Variants in CRACDL observed in about 807,000 individuals in gnomAD.
CRACDL encodes the protein CRACD like, also known as CRACD-like protein.
In CRACDL, 26 loss-of-function variants were observed where a neutral mutation model predicts 70.6. The ratio of observed to expected loss-of-function variants is 0.37; its 90% CI spans 0.27 to 0.51. The LOEUF (loss-of-function observed/expected upper bound fraction) is 0.51. Among genes scored for constraint, CRACDL ranks in the 20% least tolerant of loss-of-function variants. The pLI is 0.94. For synonymous variants in CRACDL, 618 were observed against 615.2 expected (o/e 1.00, Z -0.07); for missense variants, 1,283 against 1,376.9 (o/e 0.93, Z 1.08).
At chr2:98,831,390 A>G (rs1370099109) in intron 5 of CRACDL, among the ~76,000 whole-genome samples, 1 of 152,216 alleles carries the variant, frequency 6.6e-6, no homozygotes, top group Non-Finnish European at 1.5e-5. Context: ...TCTGAACACA[A>G]TTCAGAGAAG....
intron 1 of CRACDL, among the ~76,000 whole-genome samples, chr2:98,932,917 C>A (rs1330316251): frequency 1.3e-5 from 2 of 152,170 alleles, no homozygotes; most frequent in African/African-American, 4.8e-5. Context: ...GGGACATGAA[C>A]CCAGGCACTG....
rs988462807 is a variant in CRACDL at position 98,822,075 on chromosome 2, G to A, written c.2198C>T (p.Ala733Val). Residue 733 changes from alanine (A) to valine (V), a missense_variant, in exon 7 of 10, where the codon GCC becomes GTC. Ala to Val is a moderately conservative substitution (Grantham distance 64). Transcript: ENST00000397899. The surrounding 1 kb of genome is among the most constrained non-coding windows in gnomAD (Gnocchi z 4.9). ...PKEEKCPLGTAPALRGTRAPS... is the reference protein window; with the variant it reads ...PKEEKCPLGTVPALRGTRAPS... ...GGCCCTGGTGCCTCGAAGGGCGGGG[G>A]CCGTCCCGAGGGGACACTTCTCCTC... The A allele has an allele frequency of 5.2e-6, 8 of 1,553,138 alleles. No individual in the cohort carries two copies. Among genetic ancestry groups the A allele is most frequent in the Non-Finnish European group, 7.0e-6 (8 of 1,148,376 alleles).
rs187647031 is a variant in CRACDL at position 98,884,678 on chromosome 2, C to A, written c.-10-37868G>T. Among the ~76,000 whole-genome samples, 35 of 152,298 alleles carry A rather than the reference C, an allele frequency of 2.3e-4. 1 individual carries two copies. In the East Asian group the frequency reaches 5.8e-3, roughly 25 times the overall value. Reference sequence around the variant, plus strand: ...GGAGCCCTCACAAATGGGATCTGTGCCCTATAAAAGGGACCCCAGAGTGTT... The same window carrying A: ...GGAGCCCTCACAAATGGGATCTGTGACCTATAAAAGGGACCCCAGAGTGTT... On this transcript the variant is annotated intron_variant, in intron 1 of 9. Coordinates refer to ENST00000397899, the MANE Select transcript of CRACDL (RefSeq NM_207362.3).
At chr2:98,819,343 A>G (rs2104455873) in intron 7 of CRACDL, among the ~76,000 whole-genome samples, 1 of 152,236 alleles carries the variant, frequency 6.6e-6, no homozygotes, top group East Asian at 1.9e-4. Context: ...TTTCAATTCT[A>G]GGCCATGAAG....
chr2:98,821,760 T>C (rs1705038731), intron 7 of CRACDL, 97 bp downstream of exon 7: 6 of 1,434,812 alleles, frequency 4.2e-6, no homozygotes, highest in Non-Finnish European at 4.7e-6. Context: ...GCAACAAAGT[T>C]TGTACCAGGA....
At chr2:98,858,232 A>G (rs911711360) in intron 1 of CRACDL, among the ~76,000 whole-genome samples, 2 of 152,192 alleles carry the variant, frequency 1.3e-5, no homozygotes, top group African/African-American at 4.8e-5. Context: ...GGCTGGGTGC[A>G]GTGGTGCCTG....
rs1705873873 is a variant in CRACDL, at chr2:98,838,149, G to A, written c.209C>T (p.Pro70Leu). 1 of 1,613,376 alleles carries A rather than the reference G, an allele frequency of 6.2e-7. No homozygotes were observed. The highest frequency in any genetic ancestry group is 2.2e-5 in the East Asian group (1 of 44,854). ...CTCATCCTCGGAGTCGTAGCCCACTGGCCCGGATTCGATGGCAATGACCTC... is the reference window on the plus strand; with the variant it reads ...CTCATCCTCGGAGTCGTAGCCCACTAGCCCGGATTCGATGGCAATGACCTC... ...RNEVIAIESG[P>L]VGYDSEDELE... Residue 70 changes from proline (P) to leucine (L), a missense_variant, in exon 3 of 10, where the codon CCA (proline) becomes CTA (leucine). Physicochemically the swap from Pro to Leu is moderately conservative, Grantham distance 98. Around this residue, in one of 2 missense-constraint regions of CRACDL, gnomAD observed 362 missense variants for 495.0 expected, o/e 0.73. Coordinates refer to ENST00000397899, the MANE Select transcript of CRACDL (RefSeq NM_207362.3).
chr2:98,853,085 C>G lies in CRACDL; in HGVS notation c.-10-6275G>C, dbSNP rs561271728. ...GCATTAAAAATATTTGGAGAACTTA[C>G]GAATAAACATTTCTCCAAAATGGTG... On this transcript the variant is annotated intron_variant, in intron 1 of 9. Coordinates refer to ENST00000397899, the MANE Select transcript of CRACDL (RefSeq NM_207362.3). Among the ~76,000 whole-genome samples, 141 of 151,708 alleles carry G rather than the reference C, an allele frequency of 9.3e-4. 1 individual carries two copies. The highest frequency in any genetic ancestry group is 1.6e-3 in the Non-Finnish European group (112 of 67,924).
At chr2:98,802,777 C>A (rs911361842) in intron 7 of CRACDL, among the ~76,000 whole-genome samples, 2 of 152,216 alleles carry the variant, frequency 1.3e-5, no homozygotes, top group Non-Finnish European at 1.5e-5. Context: ...AAGCTGAGGG[C>A]TGTCAAGCAC....
chr2:98,829,362 G>C lies in CRACDL; in HGVS notation c.541-2193C>G, dbSNP rs577937980. 2.1e-4 allele frequency among the ~76,000 whole-genome samples: 32 copies of C among 152,362 alleles called. No homozygotes were observed. In the East Asian group the frequency reaches 5.6e-3, roughly 27 times the overall value. ...AGGGAACTCAACTCCTCTGGCCTCAGAACTCTCACTTCTGTTTCCACTGTT... is the reference window on the plus strand; with the variant it reads ...AGGGAACTCAACTCCTCTGGCCTCACAACTCTCACTTCTGTTTCCACTGTT... On this transcript the variant is annotated intron_variant, in intron 5 of 9. Coordinates refer to ENST00000397899, the MANE Select transcript of CRACDL (RefSeq NM_207362.3).
intron 7 of CRACDL, among the ~76,000 whole-genome samples, chr2:98,802,689 G>A (rs903505200): frequency 2.6e-5 from 4 of 152,188 alleles, no homozygotes; most frequent in Non-Finnish European, 5.9e-5. Context: ...CTGCTATGAC[G>A]AGTTGAGGGG....
At chr2:98,868,303 C>T (rs1707222553) in intron 1 of CRACDL, among the ~76,000 whole-genome samples, 1 of 152,188 alleles carries the variant, frequency 6.6e-6, no homozygotes, top group African/African-American at 2.4e-5. Flanking sequence ...AAAGAAGCAA[C>T]AACAATTTCC....
intron 1 of CRACDL, among the ~76,000 whole-genome samples, chr2:98,864,228 A>G (rs1707045247): frequency 6.6e-6 from 1 of 152,232 alleles, no homozygotes; most frequent in African/African-American, 2.4e-5. Flanking sequence ...ATCCATCAAG[A>G]AAAAGGAATA....
intron 1 of CRACDL, among the ~76,000 whole-genome samples, chr2:98,898,313 A>C (rs1708180963): frequency 6.6e-6 from 1 of 152,268 alleles, no homozygotes; most frequent in Admixed American, 6.5e-5. Flanking sequence ...GGCCTCAGAG[A>C]GGTCACCTCG....
At chr2:98,900,390 A>C (rs1708247663) in intron 1 of CRACDL, among the ~76,000 whole-genome samples, 1 of 147,946 alleles carries the variant, frequency 6.8e-6, no homozygotes, top group Non-Finnish European at 1.5e-5. Context: ...AGGGGGATGG[A>C]GGCTCAGTGG....
At chr2:98,847,285 C>T (rs370648714) in intron 1 of CRACDL, among the ~76,000 whole-genome samples, 2 of 152,222 alleles carry the variant, frequency 1.3e-5, no homozygotes, top group Non-Finnish European at 2.9e-5. Context: ...GGAAGCTTGA[C>T]TTCCTGATTT....
At chr2:98,808,122 G>A (rs1704396566) in intron 7 of CRACDL, among the ~76,000 whole-genome samples, 1 of 152,218 alleles carries the variant, frequency 6.6e-6, no homozygotes, top group Non-Finnish European at 1.5e-5. Flanking sequence ...CTCTGTGTTA[G>A]AGAGCGCAGA....
chr2:98,827,291 G>C, intron 5 of CRACDL, 122 bp from the exon 6 acceptor site: 1 of 669,472 alleles, frequency 1.5e-6, no homozygotes, highest in African/African-American at 1.8e-5. Context: ...GGCTTTACGT[G>C]TGTGGAAATA....
chr2:98,905,249 CAAAA>C (rs749724315), intron 1 of CRACDL, among the ~76,000 whole-genome samples: 2 of 61,764 alleles, frequency 3.2e-5, no homozygotes, highest in Admixed American at 2.0e-4. Context: ...GACTCTGTCT[CAAAA>C]AAAAAAAAAA....
Sources: gnomAD v4.1 joint callset for allele counts (sites outside exome capture counted in the v4.1 genomes callset) on GRCh38, gnomAD v4.1.1 for gene constraint, gnomAD v4.1.1 regional missense constraint, Gnocchi (gnomAD v3.1) non-coding constraint, MANE v1.5 for transcripts, NCBI Gene and HGNC (gene_info 2026-07-23, HGNC 2026-07-21) for gene names.